The following SERHL2 variants were observed in gnomAD, a reference collection of about 807,000 sequenced individuals.
SERHL2 encodes serine hydrolase-like protein 2.
SERHL2 carries 29 observed loss-of-function variants against 25.5 expected under a neutral mutation model. The observed-to-expected ratio is 1.14, with a 90% CI of 0.85 to 1.55. SERHL2 has a LOEUF of 1.55. SERHL2 is among the 40% of genes most tolerant of loss of function. SERHL2 has a pLI of 0.00. For missense variants in SERHL2, 240 were observed against 252.3 expected, an observed-to-expected ratio of 0.95 and a Z score of 0.33; for synonymous variants, 95 against 103.5, an observed-to-expected ratio of 0.92 and a Z score of 0.50.
chr22:42,570,923 G>A (rs949443933), intron 9 of SERHL2, among the ~76,000 whole-genome samples, 198 bp from the exon 10 acceptor site: 20 of 152,030 alleles, frequency 1.3e-4, no homozygotes, highest in African/African-American at 4.8e-4. Flanking sequence ...GAACAGACTT[G>A]GAGAGGGCAG....
intron 9 of SERHL2, among the ~76,000 whole-genome samples, chr22:42,570,382 CA>C (rs1213313146): frequency 6.6e-6 from 1 of 152,038 alleles, no homozygotes; most frequent in African/African-American, 2.4e-5. Flanking sequence ...CGCGCCATTG[CA>C]TTCCAGCCCG....
intron 7 of SERHL2, 77 bp from the exon 8 acceptor site, chr22:42,560,109 C>G (rs1254133897): frequency 9.2e-7 from 1 of 1,087,982 alleles, no homozygotes; most frequent in African/African-American, 1.5e-5. Flanking sequence ...ACCGTCCCCC[C>G]CGGCCCTCCT....
intron 8 of SERHL2, among the ~76,000 whole-genome samples, chr22:42,560,901 C>T (rs1922601351): frequency 6.6e-6 from 1 of 151,602 alleles, no homozygotes; most frequent in African/African-American, 2.4e-5. Flanking sequence ...GTGCCTGGCC[C>T]AGGAAATCTT....
chr22:42,560,767 G>C (rs761559598), intron 8 of SERHL2, among the ~76,000 whole-genome samples: 1 of 151,820 alleles, frequency 6.6e-6, no homozygotes, highest in Admixed American at 6.6e-5. Flanking sequence ...ACAAGGTCTC[G>C]CTCTGTCACC....
rs1447050215 is a variant in SERHL2, at chr22:42,574,274, G to A, written c.*219G>A. The A allele has an allele frequency of 8.8e-6, 5 of 567,598 alleles. No homozygotes were observed. Among genetic ancestry groups the A allele is most frequent in the Admixed American group, 6.5e-5 (2 of 30,812 alleles). 35.2% of individuals were successfully genotyped at this position (567,598 alleles called of 1,614,324 possible). A position where few individuals can be genotyped will look rare whatever the true frequency, so the allele number is the denominator to read the frequency against. ...CTGGGTTCCAGGGCTGCTTTCTCCT[G>A]GCTAATAATAAATATCCAGCCAGCT... On this transcript the variant is annotated 3_prime_UTR_variant, in exon 12 of 12. Coordinates refer to ENST00000327678, the MANE Select transcript of SERHL2 (RefSeq NM_014509.5).
chr22:42,556,534 G>C lies in SERHL2; in HGVS notation c.369G>C (p.Glu123Asp), dbSNP rs1922174509. 1 of 1,611,626 alleles carries C rather than the reference G, an allele frequency of 6.2e-7. No homozygotes were observed. Among genetic ancestry groups the C allele is most frequent in the Non-Finnish European group, 8.5e-7 (1 of 1,178,340 alleles). Reference protein sequence around the residue: ...VGGMFFCTFPEMVDKLILLDT... With the variant: ...VGGMFFCTFPDMVDKLILLDT... ...CACAGTTTTTCTGTACCTTCCCCGA[G>C]ATGGTGGATAAACTTATCTTGCTGG... The change falls in exon 6 of 12, where the codon GAG (glutamate) becomes GAC (aspartate). Residue 123 changes from glutamate (E) to aspartate (D), a missense_variant. Glu to Asp is a conservative substitution (Grantham distance 45, BLOSUM62 2). Around this residue, in one of 4 missense-constraint regions of SERHL2, gnomAD observed 9 missense variants for 19.5 expected, o/e 0.46. Transcript: ENST00000327678.
chr22:42,565,171 C>T (rs564186275), intron 8 of SERHL2: 54 of 150,518 alleles, frequency 3.6e-4, no homozygotes, highest in African/African-American at 5.6e-4. Context: ...CCTCCTCTAT[C>T]GGGGATGGTC....
chr22:42,561,807 C>T (rs529278228), intron 8 of SERHL2, among the ~76,000 whole-genome samples: 1 of 151,764 alleles, frequency 6.6e-6, no homozygotes, highest in African/African-American at 2.4e-5. Flanking sequence ...CTTGGCTGAA[C>T]CTTTATCTTG....
rs149602927 is a variant in SERHL2, at chr22:42,573,964, A to G, written c.854A>G (p.Asn285Ser). 1.2e-6 allele frequency: 2 copies of G among 1,609,904 alleles called. No homozygotes were observed. The highest frequency in any genetic ancestry group is 2.7e-5 in the African/African-American group (2 of 74,724). Residue 285 changes from asparagine to serine, a missense_variant, in exon 12 of 12, where the codon AAT (asparagine) becomes AGT (serine). Physicochemically the swap from Asn to Ser is conservative, Grantham distance 46 (BLOSUM62 1). Coordinates refer to ENST00000327678, the MANE Select transcript of SERHL2 (RefSeq NM_014509.5). ...EQFQFVEVPG[N>S]HCVHMSEPQH... ...TTCCAGTTTGTGGAAGTCCCAGGCA[A>G]TCACTGTGTCCACATGAGCGAACCC...
chr22:42,566,588 A>G (rs372325680), intron 9 of SERHL2, among the ~76,000 whole-genome samples: 12 of 151,798 alleles, frequency 7.9e-5, no homozygotes, highest in East Asian at 7.7e-4. Context: ...TTATATAGCT[A>G]ACATAATACT....
Position 42,572,495 on chromosome 22 carries a change from T to G in SERHL2, c.791T>G (p.Phe264Cys). ...TACTCTGAGAAGGAGTCCCTGTCGTTCATGATAGACACGATGAAATCCACC... is the reference window on the plus strand; with the variant it reads ...TACTCTGAGAAGGAGTCCCTGTCGTGCATGATAGACACGATGAAATCCACC... Reference protein sequence around the residue: ...QNYSEKESLSFMIDTMKSTLK... With the variant: ...QNYSEKESLSCMIDTMKSTLK... Residue 264 changes from phenylalanine (F) to cysteine (C), a missense_variant, in exon 11 of 12, where the codon TTC (phenylalanine) becomes TGC (cysteine). Physicochemically the swap from Phe to Cys is radical, Grantham distance 205. This residue lies in a region of SERHL2 where 212 missense variants were observed against 168.9 expected (regional missense o/e 1.25). Coordinates refer to ENST00000327678, the MANE Select transcript of SERHL2 (RefSeq NM_014509.5). The G allele has an allele frequency of 6.2e-7, 1 of 1,612,108 alleles. No homozygotes were observed. The highest frequency in any genetic ancestry group is 1.3e-5 in the African/African-American group (1 of 75,052).
intron 7 of SERHL2, among the ~76,000 whole-genome samples, 159 bp from the exon 8 acceptor site, chr22:42,560,027 G>C (rs1365961640): frequency 6.6e-6 from 1 of 151,864 alleles, no homozygotes; most frequent in East Asian, 1.9e-4. Context: ...GGCCAGGCTG[G>C]TCTCAAACTC....
intron 8 of SERHL2, chr22:42,565,439 C>A (rs1406031936): frequency 6.6e-6 from 1 of 151,760 alleles, no homozygotes; most frequent in Non-Finnish European, 1.5e-5. Flanking sequence ...GATTCTCCTG[C>A]CTCAGCCTCC....
chr22:42,565,877 AG>A (rs1258945026), intron 8 of SERHL2, among the ~76,000 whole-genome samples: 1 of 151,470 alleles, frequency 6.6e-6, no homozygotes, highest in Admixed American at 6.6e-5. Flanking sequence ...TTTTTGAGAC[AG>A]AGTCTTGCTC....
At chr22:42,566,371 G>A (rs769867533) in intron 9 of SERHL2, 33 bp downstream of exon 9, 105 of 1,607,870 alleles carry the variant, frequency 6.5e-5, no homozygotes, top group Non-Finnish European at 8.4e-5. Flanking sequence ...CCCCCGCCAA[G>A]GTTTGCCTGT....
intron 9 of SERHL2, among the ~76,000 whole-genome samples, chr22:42,570,801 C>G (rs1238266803): frequency 6.6e-6 from 1 of 152,028 alleles, no homozygotes; most frequent in Non-Finnish European, 1.5e-5. Context: ...AAATCCAGGC[C>G]CAGAAGTGGC....
intron 8 of SERHL2, among the ~76,000 whole-genome samples, chr22:42,561,571 C>G (rs569753795): frequency 6.6e-6 from 1 of 151,502 alleles, no homozygotes; most frequent in Non-Finnish European, 1.5e-5. Flanking sequence ...CTGGAGGCAG[C>G]CCACCCTGGT....
intron 11 of SERHL2, chr22:42,573,266 T>G (rs1404675000): frequency 2.8e-5 from 4 of 143,700 alleles, no homozygotes; most frequent in East Asian, 2.1e-4. Flanking sequence ...TTTTTTGAGA[T>G]GGAGTGTCGC....
chr22:42,560,933 C>G (rs113265998), intron 8 of SERHL2, among the ~76,000 whole-genome samples: 2 of 151,646 alleles, frequency 1.3e-5, no homozygotes, highest in Admixed American at 6.6e-5. Context: ...TGCTACAGGC[C>G]CGGCTCAGTG....
Sources: allele counts gnomAD v4.1 joint callset (sites outside exome capture counted in the v4.1 genomes callset), GRCh38; gene constraint gnomAD v4.1.1; regional missense constraint gnomAD v4.1.1; transcripts MANE v1.5; gene names NCBI Gene and HGNC (gene_info 2026-07-23, HGNC 2026-07-21).